TBC1D22A: variants seen among roughly 807,000 people sequenced by gnomAD.
The protein encoded by TBC1D22A is putative GTPase activator.
A neutral mutation model predicts 60.2 loss-of-function variants in TBC1D22A; 38 were observed. The ratio of observed to expected loss-of-function variants is 0.63; its 90% CI spans 0.49 to 0.83. TBC1D22A has a LOEUF of 0.83. TBC1D22A is among the 40% of genes least tolerant of loss of function. TBC1D22A has a pLI of 0.00. For missense variants in TBC1D22A, 628 were observed against 701.0 expected (o/e 0.90, Z 1.18); for synonymous variants, 302 against 281.7 (o/e 1.07, Z -0.72).
At chr22:47,047,568 C>T (rs780188988) in intron 11 of TBC1D22A, among the ~76,000 whole-genome samples, 7 of 152,194 alleles carry the variant, frequency 4.6e-5, no homozygotes, top group African/African-American at 9.7e-5. Flanking sequence ...CTGGGGCTGT[C>T]GGGAAGCACC....
intron 9 of TBC1D22A, among the ~76,000 whole-genome samples, chr22:46,980,384 T>A (rs1395306870): frequency 2.0e-5 from 3 of 152,224 alleles, no homozygotes; most frequent in Non-Finnish European, 4.4e-5. Context: ...GGTTTCACCA[T>A]GTTGGCCAGG....
At chr22:46,902,596 T>A (rs758120041) in intron 7 of TBC1D22A, among the ~76,000 whole-genome samples, 5 of 152,268 alleles carry the variant, frequency 3.3e-5, no homozygotes, top group African/African-American at 4.8e-5. Context: ...TGCGAGTTGC[T>A]GTCCTGGGAC....
At chr22:46,767,997 T>C (rs2083343328) in intron 1 of TBC1D22A, 1 of 152,794 alleles carries the variant, frequency 6.5e-6, no homozygotes, top group South Asian at 2.1e-4. Context: ...AGAAGTGGCA[T>C]GGTCTGCATT....
At chr22:46,848,414 C>A (rs143248101) in intron 4 of TBC1D22A, among the ~76,000 whole-genome samples, 200 of 152,326 alleles carry the variant, frequency 1.3e-3, no homozygotes, top group Non-Finnish European at 1.9e-3. Flanking sequence ...CTATGACTAA[C>A]TGCAGTGAGT....
chr22:47,132,100 A>G (rs2066698763), intron 12 of TBC1D22A, among the ~76,000 whole-genome samples: 2 of 152,134 alleles, frequency 1.3e-5, no homozygotes, highest in Non-Finnish European at 1.5e-5. Flanking sequence ...GAGGGCCATG[A>G]TCAAACAAGC....
chr22:47,093,240 C>CGG (rs2065047550), intron 11 of TBC1D22A, among the ~76,000 whole-genome samples: 1 of 152,178 alleles, frequency 6.6e-6, no homozygotes, highest in South Asian at 2.1e-4. Flanking sequence ...TGTGTCTTGG[C>CGG]GGCCAGCAGG....
At chr22:46,776,423 G>C (rs1391644038) in intron 1 of TBC1D22A, among the ~76,000 whole-genome samples, 1 of 152,072 alleles carries the variant, frequency 6.6e-6, no homozygotes, top group Non-Finnish European at 1.5e-5. Context: ...TGGATGGAAG[G>C]AGTGGGCACA....
At chr22:47,072,446 A>G (rs1000112683) in intron 11 of TBC1D22A, among the ~76,000 whole-genome samples, 1 of 152,214 alleles carries the variant, frequency 6.6e-6, no homozygotes, top group Admixed American at 6.5e-5. Flanking sequence ...TGCATTTGGC[A>G]GAAGTGGAGT....
intron 1 of TBC1D22A, among the ~76,000 whole-genome samples, chr22:46,791,673 A>T (rs1203709546): frequency 6.6e-6 from 1 of 152,098 alleles, no homozygotes; most frequent in Non-Finnish European, 1.5e-5. Context: ...TGATGAGTCA[A>T]CCAACAGTGT....
In TBC1D22A at chr22:46,796,201, C is replaced by G. The variant is rs1199698413; in HGVS notation, c.461-1243C>G. Among the ~76,000 whole-genome samples the G allele has an allele frequency of 3.3e-5, 5 of 152,264 alleles. No homozygotes were observed. In the East Asian group the frequency reaches 9.7e-4, roughly 29 times the overall value. On this transcript the variant is annotated intron_variant, in intron 3 of 12. Transcript: ENST00000337137. The stretch of plus-strand genomic sequence containing the variant: ...GGATGGGGGAGGAGACAGGGCGGTA[C>G]TCTGAAGTCTATGTCCCCACTTTAG...
chr22:47,065,894 T>C (rs2063758191), intron 11 of TBC1D22A, among the ~76,000 whole-genome samples: 1 of 151,976 alleles, frequency 6.6e-6, no homozygotes, highest in East Asian at 1.9e-4. Flanking sequence ...AAATGCAGTG[T>C]CCCCCTGGGA....
rs1042720434 is a variant in TBC1D22A, at chr22:47,006,512, C to T, written c.1201+8803C>T. ...TGACCCCGGGTGGTGAGACCTTAGG[C>T]TGTGAGCCTGCGTCCACAGCACATC... On this transcript the variant is annotated intron_variant, in intron 10 of 12. Coordinates refer to ENST00000337137, the MANE Select transcript of TBC1D22A (RefSeq NM_014346.5). Among the ~76,000 whole-genome samples, 9 of 152,234 alleles carry T rather than the reference C, an allele frequency of 5.9e-5. No homozygotes were observed. The East Asian group carries it at 1.7e-3, about 29-fold the overall frequency.
At position 46,762,673 on chromosome 22, in the gene TBC1D22A, T is replaced by C. The variant is rs2083139041; in HGVS notation, c.-114T>C. ...GCGGAAGAGCTTCTCGGCTCTAGGC[T>C]CTGGAGTCCCGGGAGCAGTGAGGGG... On this transcript the variant is annotated 5_prime_UTR_variant, in exon 1 of 13. Transcript: ENST00000337137. The C allele has an allele frequency of 5.6e-6, 5 of 889,238 alleles. No homozygotes were observed. Among genetic ancestry groups the C allele is most frequent in the Non-Finnish European group, 7.9e-6 (5 of 632,782 alleles). The allele number at this position is 889,238 out of a possible 1,614,324, so 55.1% of individuals were successfully genotyped here. A position where few individuals can be genotyped will look rare whatever the true frequency, so the allele number is the denominator to read the frequency against.
chr22:47,107,342 GAT>G (rs1328605611), intron 11 of TBC1D22A, among the ~76,000 whole-genome samples: 6 of 152,198 alleles, frequency 3.9e-5, no homozygotes, highest in African/African-American at 1.4e-4. Flanking sequence ...CAGGGACCAA[GAT>G]CTTTGGTTAG....
Position 47,083,818 on chromosome 22 carries a change from A to G in TBC1D22A, c.1330-27690A>G, listed in dbSNP as rs148218220. 2.6e-3 allele frequency among the ~76,000 whole-genome samples: 390 copies of G among 152,274 alleles called. 4 individuals carry two copies. Among genetic ancestry groups the G allele is most frequent in the African/African-American group, 8.1e-3 (335 of 41,540 alleles). On this transcript the variant is annotated intron_variant, in intron 11 of 12. Transcript: ENST00000337137. ...CATTACTCATCAAGGGTATATTAAAACCACAGTGAGATACTACTGCACGCC... is the reference window on the plus strand; with the variant it reads ...CATTACTCATCAAGGGTATATTAAAGCCACAGTGAGATACTACTGCACGCC...
chr22:47,144,112 A>T (rs2067207201), intron 12 of TBC1D22A, among the ~76,000 whole-genome samples: 1 of 152,182 alleles, frequency 6.6e-6, no homozygotes, highest in Non-Finnish European at 1.5e-5. Flanking sequence ...GAGACAAACC[A>T]TTCCCAAACA....
chr22:47,022,837 C>T (rs2062134955), intron 10 of TBC1D22A, among the ~76,000 whole-genome samples: 1 of 152,304 alleles, frequency 6.6e-6, no homozygotes, highest in East Asian at 1.9e-4. Context: ...ACTACTCTGG[C>T]CCCAAAGCTT....
At chr22:47,030,147 T>A (rs186660976) in intron 10 of TBC1D22A, among the ~76,000 whole-genome samples, 1 of 152,220 alleles carries the variant, frequency 6.6e-6, no homozygotes, top group Non-Finnish European at 1.5e-5. Context: ...TTTAACTGAT[T>A]AGAGAATTGA....
intron 11 of TBC1D22A, among the ~76,000 whole-genome samples, chr22:47,039,479 GCT>G (rs1316769957): frequency 2.0e-5 from 3 of 152,058 alleles, no homozygotes; most frequent in Non-Finnish European, 4.4e-5. Context: ...TTACAAGGTA[GCT>G]TAAAGTCCTC....
Sources: gnomAD v4.1 joint callset for allele counts (sites outside exome capture counted in the v4.1 genomes callset) on GRCh38, gnomAD v4.1.1 for gene constraint, MANE v1.5 for transcripts, NCBI Gene and HGNC (gene_info 2026-07-23, HGNC 2026-07-21) for gene names.